The following LNP1 variants were observed in gnomAD, a reference collection of about 807,000 sequenced individuals.
The protein encoded by LNP1 is leukemia NUP98 fusion partner 1.
A neutral mutation model predicts 14.5 loss-of-function variants in LNP1; 12 were observed. That is an observed-to-expected ratio of 0.83 (90% CI 0.53 to 1.34). The LOEUF is 1.34. Among genes scored for constraint, LNP1 ranks in the 40% most tolerant of loss-of-function variants. The pLI, the probability that LNP1 is intolerant of heterozygous loss-of-function variation, is 0.00. For missense variants in LNP1, 198 were observed against 210.9 expected, an observed-to-expected ratio of 0.94 and a Z score of 0.38; for synonymous variants, 75 against 71.4, an observed-to-expected ratio of 1.05 and a Z score of -0.26.
At chr3:100,450,249 A>AAAAAACAGTTAAACGATGGC (rs573251532) in intron 2 of LNP1, among the ~76,000 whole-genome samples, 1,702 of 152,132 alleles carry the variant, frequency 0.011, 30 homozygotes, top group African/African-American at 0.039. Context: ...AACAACAATA[A>AAAAAACAGTTAAACGATGGC]AAAAACAGTT....
At chr3:100,438,536 TG>T (rs1476055500) in intron 2 of LNP1, among the ~76,000 whole-genome samples, 19 of 152,200 alleles carry the variant, frequency 1.2e-4, no homozygotes, top group Non-Finnish European at 2.5e-4. Context: ...TTTATGGGTT[TG>T]TACAAATGTA....
At chr3:100,434,928 T>C (rs1707279948) in intron 2 of LNP1, among the ~76,000 whole-genome samples, 1 of 152,002 alleles carries the variant, frequency 6.6e-6, no homozygotes, top group Non-Finnish European at 1.5e-5. Flanking sequence ...GTAATTTTAG[T>C]TTTTTATTGT....
At chr3:100,412,085 T>C (rs1707036856) in intron 1 of LNP1, among the ~76,000 whole-genome samples, 1 of 152,230 alleles carries the variant, frequency 6.6e-6, no homozygotes, top group African/African-American at 2.4e-5. Context: ...CTCATGGTTC[T>C]GCATGCTGAG....
At position 100,451,745 on chromosome 3, in the gene LNP1, A is replaced by G. The variant is rs6786064; in HGVS notation, c.183A>G (p.Ser61=). The change falls in exon 3 of 4, where the codon TCA becomes TCG. Residue 61 remains serine, a synonymous_variant. Transcript: ENST00000383693. ...CPLPVLPRIP[S]SDCHPRRHSH... ...TTCCTGTGCTTCCCAGAATTCCATC[A>G]TCTGACTGCCATCCTAGAAGGCATT... 1 of 875,970 alleles carries G rather than the reference A, an allele frequency of 1.1e-6. No individual in the cohort carries two copies. Among genetic ancestry groups the G allele is most frequent in the African/African-American group, 3.1e-5 (1 of 32,538 alleles). The allele number at this position is 875,970 out of a possible 1,614,324, so 54.3% of individuals were successfully genotyped here.
rs139358826 is a variant in LNP1 at position 100,411,854 on chromosome 3, G to T, written c.-34+9415G>T. Among the ~76,000 whole-genome samples, 49 of 152,080 alleles carry T rather than the reference G, an allele frequency of 3.2e-4. 1 individual carries two copies. The highest frequency in any genetic ancestry group is 1.2e-3 in the African/African-American group (48 of 41,450). On this transcript the variant is annotated intron_variant, in intron 1 of 3. Transcript: ENST00000383693. ...CAAATACCATCGCATTGGGGGTTAGGGCTTCAACATATGGATTTTGGGGGA... is the reference window on the plus strand; with the variant it reads ...CAAATACCATCGCATTGGGGGTTAGTGCTTCAACATATGGATTTTGGGGGA...
intron 1 of LNP1, among the ~76,000 whole-genome samples, chr3:100,420,704 A>G (rs1707135770): frequency 6.6e-6 from 1 of 152,204 alleles, no homozygotes; most frequent in African/African-American, 2.4e-5. Context: ...GTCCTGTGTC[A>G]GATACATGGT....
intron 1 of LNP1, 35 bp from the exon 2 acceptor site, chr3:100,429,662 C>G: frequency 1.4e-6 from 2 of 1,402,596 alleles, no homozygotes; most frequent in Non-Finnish European, 2.0e-6. Context: ...TCATTGTCAG[C>G]CCTGTTGGGT....
At chr3:100,413,812 A>G (rs1009401325) in intron 1 of LNP1, among the ~76,000 whole-genome samples, 1 of 152,184 alleles carries the variant, frequency 6.6e-6, no homozygotes, top group Admixed American at 6.5e-5. Context: ...TTACTAAGTG[A>G]TGGGCCTACA....
At chr3:100,427,723 A>C (rs1479748149) in intron 1 of LNP1, among the ~76,000 whole-genome samples, 1 of 152,226 alleles carries the variant, frequency 6.6e-6, no homozygotes, top group Non-Finnish European at 1.5e-5. Flanking sequence ...ACTGAGAAAG[A>C]AAATGGAAAA....
chr3:100,455,949 A>C lies in LNP1; in HGVS notation c.*23A>C. ...TAATACTCTGCTTCTGCCTCATGAC[A>C]TCAGATGCTACTGTTTTGGTTTTTT... On this transcript the variant is annotated 3_prime_UTR_variant, in exon 4 of 4. Coordinates refer to ENST00000383693, the MANE Select transcript of LNP1 (RefSeq NM_001085451.2). The C allele has an allele frequency of 1.9e-6, 3 of 1,589,540 alleles. No homozygotes were observed. The highest frequency in any genetic ancestry group is 2.6e-6 in the Non-Finnish European group (3 of 1,171,486).
In LNP1 at chr3:100,451,896, T is replaced by C. The variant is rs758471943; in HGVS notation, c.334T>C (p.Ser112Pro). Reference protein sequence around the residue: ...GRSHSKIEKFSESFERQLCFR... With the variant: ...GRSHSKIEKFPESFERQLCFR... The stretch of plus-strand genomic sequence containing the variant: ...ATCCCATTCCAAAATTGAGAAATTT[T>C]CAGAGTCCTTTGAACGGCAACTGTG... The change falls in exon 3 of 4, where the codon TCA becomes CCA. Residue 112 changes from serine (S) to proline (P), a missense_variant. Physicochemically the swap from Ser to Pro is moderately conservative, Grantham distance 74. Transcript: ENST00000383693. 6.2e-7 allele frequency: 1 copy of C among 1,614,156 alleles called. No homozygotes were observed. The highest frequency in any genetic ancestry group is 8.5e-7 in the Non-Finnish European group (1 of 1,180,022).
At position 100,456,116 on chromosome 3, in the gene LNP1, C is replaced by G; in HGVS notation, c.*190C>G. On this transcript the variant is annotated 3_prime_UTR_variant, in exon 4 of 4. Coordinates refer to ENST00000383693, the MANE Select transcript of LNP1 (RefSeq NM_001085451.2). ...GCTCCAAGATGACTTGCATCATACC[C>G]CAATTACTGCTGGCATCTTAGTTGA... The G allele has an allele frequency of 1.9e-6, 1 of 527,130 alleles. No individual in the cohort carries two copies. Among genetic ancestry groups the G allele is most frequent in the Non-Finnish European group, 3.4e-6 (1 of 297,360 alleles). The allele number at this position is 527,130 out of a possible 1,614,324, so 32.7% of individuals were successfully genotyped here.
intron 2 of LNP1, among the ~76,000 whole-genome samples, 158 bp downstream of exon 2, chr3:100,430,043 T>A (rs1193039454): frequency 6.6e-6 from 1 of 152,220 alleles, no homozygotes; most frequent in Non-Finnish European, 1.5e-5. Flanking sequence ...TCTTATTATT[T>A]CATCTTGTCT....
At chr3:100,444,842 AC>A (rs1186102761) in intron 2 of LNP1, among the ~76,000 whole-genome samples, 3 of 152,222 alleles carry the variant, frequency 2.0e-5, no homozygotes, top group Admixed American at 1.3e-4. Flanking sequence ...TGTAAGATAT[AC>A]CTTCCATAAG....
chr3:100,404,489 T>C lies in LNP1; in HGVS notation c.-34+2050T>C, dbSNP rs189134058. ...TATTTAATTGATTTAAGTAGTATCA[T>C]GTGGCTAATGACTACCATATTGGAC... is the stretch of plus-strand genomic sequence containing the variant. On this transcript the variant is annotated intron_variant, in intron 1 of 3. Transcript: ENST00000383693. Among the ~76,000 whole-genome samples, 17 of 152,354 alleles carry C rather than the reference T, an allele frequency of 1.1e-4. No homozygotes were observed. The East Asian group carries it at 3.1e-3, about 28-fold the overall frequency.
At chr3:100,440,533 A>AT (rs890911408) in intron 2 of LNP1, among the ~76,000 whole-genome samples, 3 of 151,796 alleles carry the variant, frequency 2.0e-5, no homozygotes, top group Non-Finnish European at 2.9e-5. Context: ...ATTAAAACAC[A>AT]TTTTTTTTGC....
intron 1 of LNP1, among the ~76,000 whole-genome samples, chr3:100,425,658 T>G (rs1349857899): frequency 6.6e-6 from 1 of 152,170 alleles, no homozygotes. Context: ...TCTAGACCAT[T>G]TATAAGGAAG....
intron 3 of LNP1, among the ~76,000 whole-genome samples, chr3:100,452,368 A>G (rs752801781): frequency 6.6e-6 from 1 of 151,174 alleles, no homozygotes; most frequent in Non-Finnish European, 1.5e-5. Flanking sequence ...ATGCCCGACT[A>G]AATTTTAAAC....
chr3:100,452,746 G>A (rs781072139), intron 3 of LNP1, among the ~76,000 whole-genome samples: 9 of 152,152 alleles, frequency 5.9e-5, no homozygotes, highest in East Asian at 1.9e-4. Context: ...TCATGGTGAC[G>A]TCATGGGAGT....
Sources: gnomAD v4.1 joint callset for allele counts (sites outside exome capture counted in the v4.1 genomes callset) on GRCh38, gnomAD v4.1.1 for gene constraint, MANE v1.5 for transcripts, NCBI Gene and HGNC (gene_info 2026-07-23, HGNC 2026-07-21) for gene names.